Variants in PRDM12 observed in about 807,000 individuals in gnomAD.
PRDM12 encodes PR/SET domain 12, also known as PR domain zinc finger protein 12.
In PRDM12, 17 loss-of-function variants were observed where a neutral mutation model predicts 29.6. That is an observed-to-expected ratio of 0.57 (90% CI 0.39 to 0.86). PRDM12 has a LOEUF of 0.86. Among genes scored for constraint, PRDM12 ranks in the 40% least tolerant of loss-of-function variants. The probability of loss-of-function intolerance (pLI) is 0.00; values close to 1 mark genes in which losing one functional copy is unlikely to be tolerated. For missense variants in PRDM12, 422 were observed against 510.8 expected (o/e 0.83, Z 1.68); for synonymous variants, 231 against 225.8 (o/e 1.02, Z -0.21).
At chr9:130,680,070 C>T (rs963823876) in intron 4 of PRDM12, among the ~76,000 whole-genome samples, 7 of 152,028 alleles carry the variant, frequency 4.6e-5, no homozygotes, top group African/African-American at 1.4e-4. Flanking sequence ...GGCATGGTGG[C>T]TTATGCCTAT....
rs1288821918 is a variant in PRDM12 at position 130,681,583 on chromosome 9, CCGCACG to C, written c.1028_1033del (p.His343_Ala344del). On this transcript the variant is annotated inframe_deletion, in exon 5 of 5. Transcript: ENST00000253008. This position sits in a 1 kb window ranked among gnomAD's most constrained non-coding sequence, Gnocchi z 8.1. ...GGCACACTCGCCCGCGCTGCCCGCC[CCGCACG>C]CGCACGCGCCCGCGCTCGCCGCCGC... is the stretch of plus-strand genomic sequence containing the variant. 4.3e-6 allele frequency: 5 copies of C among 1,166,386 alleles called. No homozygotes were observed. Among genetic ancestry groups the C allele is most frequent in the Non-Finnish European group, 5.3e-6 (5 of 945,060 alleles). 72.3% of individuals were successfully genotyped at this position (1,166,386 alleles called of 1,614,324 possible). A position where few individuals can be genotyped will look rare whatever the true frequency, so the allele number is the denominator to read the frequency against.
At position 130,681,242 on chromosome 9, in the gene PRDM12, G is replaced by A. The variant is rs1232265458; in HGVS notation, c.683-6G>A. 1.4e-6 allele frequency: 2 copies of A among 1,456,446 alleles called. No homozygotes were observed. The highest frequency in any genetic ancestry group is 1.8e-6 in the Non-Finnish European group (2 of 1,100,026). 90.2% of individuals were successfully genotyped at this position (1,456,446 alleles called of 1,614,324 possible). On this transcript the variant is annotated splice_region_variant and splice_polypyrimidine_tract_variant and intron_variant, in intron 4 of 4. Coordinates refer to ENST00000253008, the MANE Select transcript of PRDM12 (RefSeq NM_021619.3). This position sits in a 1 kb window ranked among gnomAD's most constrained non-coding sequence, Gnocchi z 8.1. ...CTTCCCCCGCCCCGCCCCGCCCCGC[G>A]GCCAGAGGACTTCCACCCGGCGGAC...
chr9:130,675,587 A>G (rs1830834367), intron 3 of PRDM12, among the ~76,000 whole-genome samples: 1 of 152,232 alleles, frequency 6.6e-6, no homozygotes, highest in Non-Finnish European at 1.5e-5. Flanking sequence ...GCTCCAGGAA[A>G]AACAATCACT....
In PRDM12 at chr9:130,666,665, C is replaced by T. The variant is rs1830735827; in HGVS notation, c.281C>T (p.Ser94Phe). Reference sequence around the variant, plus strand: ...GCGGAGGTGATCATCGCTCAGAGCTCCATCCCTGGCGAGGGCCTCGGCATC... The same window carrying T: ...GCGGAGGTGATCATCGCTCAGAGCTTCATCCCTGGCGAGGGCCTCGGCATC... ...LPAEVIIAQS[S>F]IPGEGLGIFS... Residue 94 changes from serine (S) to phenylalanine (F), a missense_variant, in exon 2 of 5, where the codon TCC (serine) becomes TTC (phenylalanine). Around this residue, in one of 5 missense-constraint regions of PRDM12, gnomAD observed 300 missense variants for 350.0 expected, o/e 0.86. Transcript: ENST00000253008. 2 of 1,613,256 alleles carry T rather than the reference C, an allele frequency of 1.2e-6. No homozygotes were observed. The highest frequency in any genetic ancestry group is 1.7e-6 in the Non-Finnish European group (2 of 1,179,748).
chr9:130,681,378 C>A lies in PRDM12; in HGVS notation c.813C>A (p.Phe271Leu). The A allele has an allele frequency of 6.3e-7, 1 of 1,593,082 alleles. No homozygotes were observed. Among genetic ancestry groups the A allele is most frequent in the South Asian group, 1.1e-5 (1 of 88,830 alleles). ...GCATCCACACGCTGGACAAGCCCTT[C>A]GTGTGCCGCTTCTGCAACCGCCGCT... Reference protein sequence around the residue: ...HMRIHTLDKPFVCRFCNRRFS... With the variant: ...HMRIHTLDKPLVCRFCNRRFS... Residue 271 changes from phenylalanine (F) to leucine (L), a missense_variant, in exon 5 of 5, where the codon TTC (phenylalanine) becomes TTA (leucine). Physicochemically the swap from Phe to Leu is conservative, Grantham distance 22 (BLOSUM62 0). Coordinates refer to ENST00000253008, the MANE Select transcript of PRDM12 (RefSeq NM_021619.3). The surrounding 1 kb of genome is among the most constrained non-coding windows in gnomAD (Gnocchi z 8.1).
At position 130,681,670 on chromosome 9, in the gene PRDM12, G is replaced by A. The variant is rs1699886092; in HGVS notation, c.*1G>A. ...CCACCTGCCGGCCATGGTGCTGTGA[G>A]CGCGCCCGCGCCCCCGCCGGGCCCC... On this transcript the variant is annotated 3_prime_UTR_variant, in exon 5 of 5. Transcript: ENST00000253008. This position sits in a 1 kb window ranked among gnomAD's most constrained non-coding sequence, Gnocchi z 8.1. 1.0e-6 allele frequency: 1 copy of A among 979,046 alleles called. No homozygotes were observed. The highest frequency in any genetic ancestry group is 1.2e-6 in the Non-Finnish European group (1 of 826,940). 60.6% of individuals were successfully genotyped at this position (979,046 alleles called of 1,614,324 possible).
intron 3 of PRDM12, among the ~76,000 whole-genome samples, chr9:130,676,261 C>T (rs1230996858): frequency 2.6e-5 from 4 of 152,072 alleles, no homozygotes; most frequent in South Asian, 4.1e-4. Context: ...GAGACCGAGG[C>T]GGGCGGATCA....
At chr9:130,677,801 A>G (rs1329411010) in intron 3 of PRDM12, among the ~76,000 whole-genome samples, 1 of 152,178 alleles carries the variant, frequency 6.6e-6, no homozygotes, top group East Asian at 1.9e-4. Context: ...TCTGACCAAC[A>G]TCCTTTGCCA....
chr9:130,680,632 AAAAT>A (rs1386404913), intron 4 of PRDM12, among the ~76,000 whole-genome samples: 16 of 77,340 alleles, frequency 2.1e-4, no homozygotes, highest in African/African-American at 7.0e-4. Flanking sequence ...CTAAAAAAAA[AAAAT>A]ATATATATAT....
In PRDM12 at chr9:130,668,372, G is replaced by A. The variant is rs1830755349; in HGVS notation, c.570+59G>A. The A allele has an allele frequency of 6.2e-7, 1 of 1,604,470 alleles. No homozygotes were observed. Among genetic ancestry groups the A allele is most frequent in the African/African-American group, 1.3e-5 (1 of 74,762 alleles). Reference sequence around the variant, plus strand: ...CCAGCCGGTAAACCCGGCGGGGGGAGGTGTGCAGGGCAGCGGTGTCCAGGA... The same window carrying A: ...CCAGCCGGTAAACCCGGCGGGGGGAAGTGTGCAGGGCAGCGGTGTCCAGGA... On this transcript the variant is annotated intron_variant, in intron 3 of 4. Coordinates refer to ENST00000253008, the MANE Select transcript of PRDM12 (RefSeq NM_021619.3). This position sits in a 1 kb window ranked among gnomAD's most constrained non-coding sequence, Gnocchi z 4.0.
At chr9:130,672,595 G>A (rs1402909711) in intron 3 of PRDM12, among the ~76,000 whole-genome samples, 1 of 152,216 alleles carries the variant, frequency 6.6e-6, no homozygotes, top group Non-Finnish European at 1.5e-5. Flanking sequence ...ATTACGGGAA[G>A]TTGCTGAGCT....
At chr9:130,677,631 G>A (rs1830855091) in intron 3 of PRDM12, among the ~76,000 whole-genome samples, 1 of 152,218 alleles carries the variant, frequency 6.6e-6, no homozygotes. Flanking sequence ...GCCCTGCCTG[G>A]CTAGGGCCTG....
chr9:130,681,554 T>G lies in PRDM12; in HGVS notation c.989T>G (p.Leu330Arg), dbSNP rs1302507966. The G allele has an allele frequency of 8.1e-7, 1 of 1,234,384 alleles. No homozygotes were observed. Among genetic ancestry groups the G allele is most frequent in the African/African-American group, 1.6e-5 (1 of 63,756 alleles). The allele number at this position is 1,234,384 out of a possible 1,614,324, so 76.5% of individuals were successfully genotyped here. ...CGGCACCGGCCGCCCAGCACCGCGC[T>G]GCAGGCACACTCGCCCGCGCTGCCC... ...SARHRPPSTA[L>R]QAHSPALPAP... The change falls in exon 5 of 5, where the codon CTG becomes CGG. Residue 330 changes from leucine to arginine, a missense_variant. Leu to Arg is a moderately radical substitution (Grantham distance 102). Around this residue, in one of 5 missense-constraint regions of PRDM12, gnomAD observed 66 missense variants for 61.5 expected, o/e 1.07. Transcript: ENST00000253008. This position sits in a 1 kb window ranked among gnomAD's most constrained non-coding sequence, Gnocchi z 8.1.
rs757941587 is a variant in PRDM12 at position 130,668,900 on chromosome 9, G to T, written c.570+587G>T. On this transcript the variant is annotated intron_variant, in intron 3 of 4. Transcript: ENST00000253008. This position sits in a 1 kb window ranked among gnomAD's most constrained non-coding sequence, Gnocchi z 4.0. Reference sequence around the variant, plus strand: ...ATTCTGTGATTATTTACAGTTTACTGACCAGAAAACCAGGTCTCCCTCGGT... The same window carrying T: ...ATTCTGTGATTATTTACAGTTTACTTACCAGAAAACCAGGTCTCCCTCGGT... Among the ~76,000 whole-genome samples the T allele has an allele frequency of 6.6e-6, 1 of 152,142 alleles. No homozygotes were observed. Among genetic ancestry groups the T allele is most frequent in the Non-Finnish European group, 1.5e-5 (1 of 68,032 alleles).
Position 130,681,124 on chromosome 9 carries a change from C to G in PRDM12, c.683-124C>G. 9.3e-7 allele frequency: 1 copy of G among 1,073,472 alleles called. No individual in the cohort carries two copies. The highest frequency in any genetic ancestry group is 1.2e-6 in the Non-Finnish European group (1 of 810,808). 66.5% of individuals were successfully genotyped at this position (1,073,472 alleles called of 1,614,324 possible). A position where few individuals can be genotyped will look rare whatever the true frequency, so the allele number is the denominator to read the frequency against. On this transcript the variant is annotated intron_variant, in intron 4 of 4. Coordinates refer to ENST00000253008, the MANE Select transcript of PRDM12 (RefSeq NM_021619.3). The surrounding 1 kb of genome is among the most constrained non-coding windows in gnomAD (Gnocchi z 8.1). ...CCACCGTCCAAGCAGCACCCACCCT[C>G]AAGGACGGACCGGCCCCGGGCTGGG...
intron 3 of PRDM12, among the ~76,000 whole-genome samples, chr9:130,672,562 GGC>G: frequency 1.3e-5 from 2 of 152,098 alleles, no homozygotes; most frequent in African/African-American, 4.8e-5. Flanking sequence ...TTTTTATGAC[GGC>G]GAAACTGAAA....
chr9:130,674,289 A>G (rs1830815788), intron 3 of PRDM12, among the ~76,000 whole-genome samples: 2 of 152,010 alleles, frequency 1.3e-5, no homozygotes, highest in South Asian at 2.1e-4. Context: ...CTGGGATTAC[A>G]GGCGTGAGCC....
intron 3 of PRDM12, among the ~76,000 whole-genome samples, chr9:130,669,492 C>G (rs2132593093): frequency 6.6e-6 from 1 of 151,182 alleles, no homozygotes; most frequent in African/African-American, 2.4e-5. Context: ...CACTGCACTC[C>G]AGCCTGGGTG....
Position 130,681,579 on chromosome 9 carries a change from C to A in PRDM12, c.1014C>A (p.Pro338=). ...TALQAHSPAL[P]APHAHAPALA... The stretch of plus-strand genomic sequence containing the variant: ...TGCAGGCACACTCGCCCGCGCTGCC[C>A]GCCCCGCACGCGCACGCGCCCGCGC... The change falls in exon 5 of 5, where the codon CCC becomes CCA. Residue 338 remains proline (P), a synonymous_variant. Coordinates refer to ENST00000253008, the MANE Select transcript of PRDM12 (RefSeq NM_021619.3). The surrounding 1 kb of genome is among the most constrained non-coding windows in gnomAD (Gnocchi z 8.1). 8.5e-7 allele frequency: 1 copy of A among 1,174,370 alleles called. No individual in the cohort carries two copies. The highest frequency in any genetic ancestry group is 3.5e-5 in the East Asian group (1 of 28,280). The allele number at this position is 1,174,370 out of a possible 1,614,324, so 72.7% of individuals were successfully genotyped here.
Sources: allele counts gnomAD v4.1 joint callset (sites outside exome capture counted in the v4.1 genomes callset), GRCh38; gene constraint gnomAD v4.1.1; regional missense constraint gnomAD v4.1.1; non-coding constraint Gnocchi (gnomAD v3.1); transcripts MANE v1.5; gene names NCBI Gene and HGNC (gene_info 2026-07-23, HGNC 2026-07-21).